The following CFAP276 variants were observed in gnomAD, a reference collection of about 807,000 sequenced individuals.
CFAP276 encodes cilia- and flagella-associated protein 276.
the CFAP276 span, chr1:109,107,012 G>C: frequency 6.2e-7 from 1 of 1,611,992 alleles, no homozygotes; most frequent in African/African-American, 1.3e-5. Flanking sequence ...CTTACCTATA[G>C]GTATCCTGCG....
the CFAP276 span, chr1:109,112,669 G>A: frequency 6.4e-7 from 1 of 1,550,480 alleles, no homozygotes; most frequent in Non-Finnish European, 8.7e-7. Flanking sequence ...AGGGTCCCGG[G>A]TGGGAGGCAT....
chr1:109,113,273 G>A, the CFAP276 span, among the ~76,000 whole-genome samples: 1 of 151,974 alleles, frequency 6.6e-6, no homozygotes, highest in Non-Finnish European at 1.5e-5. Context: ...CGCGCCCGTA[G>A]TCCCAGCTAC....
At chr1:109,106,094 G>C in the CFAP276 span, 3 of 1,610,600 alleles carry the variant, frequency 1.9e-6, no homozygotes, top group South Asian at 3.3e-5. Context: ...CAGTGTGAGG[G>C]GACACTGTGG....
chr1:109,110,577 C>T, the CFAP276 span, among the ~76,000 whole-genome samples: 3 of 152,180 alleles, frequency 2.0e-5, no homozygotes, highest in African/African-American at 4.8e-5. Context: ...ACTGTCTCAG[C>T]TCCACTTTCT....
At chr1:109,107,701 CA>C in the CFAP276 span, among the ~76,000 whole-genome samples, 13 of 148,374 alleles carry the variant, frequency 8.8e-5, no homozygotes, top group African/African-American at 3.3e-4. Flanking sequence ...TCAGCCTGAG[CA>C]ACATATCGAG....
At chr1:109,108,789 A>G in the CFAP276 span, among the ~76,000 whole-genome samples, 4 of 152,224 alleles carry the variant, frequency 2.6e-5, no homozygotes, top group Admixed American at 2.6e-4. Flanking sequence ...TCAGGCCAAA[A>G]GGGAAGAACG....
the CFAP276 span, among the ~76,000 whole-genome samples, chr1:109,113,451 A>AGAGAGAGAGAGTGAGAGT: frequency 8.3e-6 from 1 of 120,472 alleles, no homozygotes; most frequent in East Asian, 3.5e-4. Flanking sequence ...AGAGAGAGAG[A>AGAGAGAGAGAGTGAGAGT]GAGAGAGAGA....
At chr1:109,106,877 C>G in the CFAP276 span, 1 of 870,560 alleles carries the variant, frequency 1.1e-6, no homozygotes, top group Non-Finnish European at 1.8e-6. Context: ...ATTATAGACA[C>G]AGATGTAAAA....
the CFAP276 span, chr1:109,106,102 T>C: frequency 6.2e-7 from 1 of 1,608,086 alleles, no homozygotes; most frequent in African/African-American, 1.3e-5. Context: ...GGGGACACTG[T>C]GGAGAAAAGA....
At chr1:109,106,621 G>A in the CFAP276 span, 1 of 1,613,856 alleles carries the variant, frequency 6.2e-7, no homozygotes, top group South Asian at 1.1e-5. Context: ...GGGTGGAGTG[G>A]GAGGGGTTAA....
At chr1:109,113,416 A>AG in the CFAP276 span, among the ~76,000 whole-genome samples, 6 of 68,038 alleles carry the variant, frequency 8.8e-5, no homozygotes, top group Non-Finnish European at 1.3e-4. Context: ...GAGAGAGAGA[A>AG]AGAGAGAGAG....
chr1:109,106,497 C>A, the CFAP276 span: 5 of 1,606,640 alleles, frequency 3.1e-6, no homozygotes, highest in East Asian at 2.2e-5. Flanking sequence ...AAGACTCCCC[C>A]ACTGCCCCAT....
the CFAP276 span, chr1:109,112,771 G>C: frequency 3.3e-6 from 5 of 1,507,880 alleles, no homozygotes; most frequent in Non-Finnish European, 4.4e-6. Flanking sequence ...CCAATTGTTT[G>C]GAGCGCTGGT....
chr1:109,112,718 C>T, the CFAP276 span: 1 of 1,546,706 alleles, frequency 6.5e-7, no homozygotes, highest in Non-Finnish European at 8.7e-7. Context: ...ATGGGAGGCC[C>T]GCTCAGCCGC....
chr1:109,113,544 G>A, the CFAP276 span: 1 of 1,383,884 alleles, frequency 7.2e-7, no homozygotes, highest in Non-Finnish European at 1.0e-6. Context: ...CAGTGTCAGG[G>A]CTTCTCTTCT....
chr1:109,113,159 G>A, the CFAP276 span, among the ~76,000 whole-genome samples: 1 of 152,138 alleles, frequency 6.6e-6, no homozygotes, highest in African/African-American at 2.4e-5. Context: ...GGAAGCGGAG[G>A]CGGGCGGATC....
At chr1:109,106,061 G>A in the CFAP276 span, 9 of 1,613,828 alleles carry the variant, frequency 5.6e-6, no homozygotes, top group East Asian at 1.8e-4. Flanking sequence ...CTTTCTTTCG[G>A]GAGTAGCCTC....
At chr1:109,105,998 C>T in the CFAP276 span, 1 of 1,563,564 alleles carries the variant, frequency 6.4e-7, no homozygotes, top group Non-Finnish European at 8.7e-7. Context: ...CAGTATGTTT[C>T]ACTATAATTA....
chr1:109,106,996 C>A, the CFAP276 span: 1 of 1,601,662 alleles, frequency 6.2e-7, no homozygotes, highest in Non-Finnish European at 8.6e-7. Context: ...GGCTCTGCCT[C>A]TACCACTTAC....
Sources: allele counts gnomAD v4.1 joint callset (sites outside exome capture counted in the v4.1 genomes callset), GRCh38; gene constraint gnomAD v4.1.1; transcripts MANE v1.5; gene names NCBI Gene and HGNC (gene_info 2026-07-23, HGNC 2026-07-21).